Variants in EZH1 observed in about 807,000 individuals in gnomAD.
EZH1 encodes histone-lysine N-methyltransferase EZH1.
A neutral mutation model predicts 100.5 loss-of-function variants in EZH1; 33 were observed. That is an observed-to-expected ratio of 0.33 (90% CI 0.25 to 0.44). EZH1 has a LOEUF of 0.44. Ranked by LOEUF, EZH1 falls within the 20% of genes least tolerant of loss-of-function variation. The pLI, the probability that EZH1 is intolerant of heterozygous loss-of-function variation, is 1.00. For missense variants in EZH1, 475 were observed against 928.4 expected (o/e 0.51, Z 6.35); for synonymous variants, 272 against 313.8 (o/e 0.87, Z 1.41).
Position 42,706,973 on chromosome 17 carries a change from A to G in EZH1, c.1661-788T>C, listed in dbSNP as rs2053366713. The stretch of plus-strand genomic sequence containing the variant: ...CTATGGGTTAGGAGGTATTTCCTCC[A>G]GCAAAACCGCCTGGGCACCAAGTTC... On this transcript the variant is annotated intron_variant, in intron 15 of 20. Transcript: ENST00000428826. This position sits in a 1 kb window ranked among gnomAD's most constrained non-coding sequence, Gnocchi z 4.4. Among the ~76,000 whole-genome samples, 1 of 152,154 alleles carries G rather than the reference A, an allele frequency of 6.6e-6. No homozygotes were observed. The highest frequency in any genetic ancestry group is 1.5e-5 in the Non-Finnish European group (1 of 68,034).
chr17:42,713,433 C>T, intron 10 of EZH1, 44 bp from the exon 11 acceptor site: 1 of 1,537,296 alleles, frequency 6.5e-7, no homozygotes, highest in Non-Finnish European at 8.8e-7. Context: ...ACAGGCCCAT[C>T]ACCATATTGA....
chr17:42,714,959 T>A (rs2143768774), intron 10 of EZH1, among the ~76,000 whole-genome samples: 1 of 139,764 alleles, frequency 7.2e-6, no homozygotes, highest in Admixed American at 7.6e-5. Context: ...ATATAATATA[T>A]AAATATATGA....
At chr17:42,717,716 G>A (rs1381195726) in intron 10 of EZH1, among the ~76,000 whole-genome samples, 1 of 152,014 alleles carries the variant, frequency 6.6e-6, no homozygotes, top group Non-Finnish European at 1.5e-5. Context: ...ACAGTTTTAG[G>A]CTCTGAAATC....
chr17:42,703,765 T>G lies in EZH1; in HGVS notation c.2073A>C (p.Ser691=), dbSNP rs201125487. The G allele has an allele frequency of 6.2e-7, 1 of 1,614,128 alleles. No homozygotes were observed. Among genetic ancestry groups the G allele is most frequent in the East Asian group, 2.2e-5 (1 of 44,888 alleles). The change falls in exon 19 of 21, where the codon TCA becomes TCC. Residue 691 remains serine (S), a synonymous_variant. Transcript: ENST00000428826. Reference sequence around the variant, plus strand: ...CTTTGGCATAACAGTTGGGATTCACTGAATGATTTGCAAATCGAATTTTGT... The same window carrying G: ...CTTTGGCATAACAGTTGGGATTCACGGAATGATTTGCAAATCGAATTTTGT... ...KGNKIRFANH[S]VNPNCYAKVV...
intron 16 of EZH1, 158 bp downstream of exon 16, chr17:42,705,842 TGGGACTG>T: frequency 1.3e-6 from 1 of 770,328 alleles, no homozygotes; most frequent in Non-Finnish European, 1.9e-6. Context: ...TAAGCCCTAC[TGGGACTG>T]AAGCCTTTAT....
rs139326526 is a variant in EZH1, at chr17:42,712,420, C to T, written c.1270G>A (p.Val424Ile). The T allele has an allele frequency of 1.5e-5, 25 of 1,614,046 alleles. No individual in the cohort carries two copies. Among genetic ancestry groups the T allele is most frequent in the Middle Eastern group, 1.6e-4 (1 of 6,080 alleles). Residue 424 changes from valine (V) to isoleucine (I), a missense_variant, in exon 12 of 21, where the codon GTA (valine) becomes ATA (isoleucine). Val to Ile is a conservative substitution (Grantham distance 29, BLOSUM62 3). Coordinates refer to ENST00000428826, the MANE Select transcript of EZH1 (RefSeq NM_001991.5). ...ACAGGCTCCGAGGGTGCTTCCACTA[C>T]GCAGAGTTGAGGTGGGGCTGGACTA... ...KASPAPPQLC[V>I]VEAPSEPVEW...
At chr17:42,739,397 T>A (rs2054132492) in intron 1 of EZH1, among the ~76,000 whole-genome samples, 1 of 152,178 alleles carries the variant, frequency 6.6e-6, no homozygotes, top group Non-Finnish European at 1.5e-5. Flanking sequence ...TAATTTAAAA[T>A]AAAATTATAA....
chr17:42,708,868 G>A lies in EZH1; in HGVS notation c.1534+8C>T. 6.2e-7 allele frequency: 1 copy of A among 1,614,120 alleles called. No individual in the cohort carries two copies. The highest frequency in any genetic ancestry group is 1.7e-5 in the Admixed American group (1 of 60,018). ...TGAACTGCTGAAGAATGCCCTGGTA[G>A]AACTTACCTTTCTTCAGCTGAATCT... On this transcript the variant is annotated splice_region_variant and intron_variant, in intron 14 of 20. Transcript: ENST00000428826.
intron 4 of EZH1, among the ~76,000 whole-genome samples, chr17:42,726,551 G>A (rs187418718): frequency 1.3e-4 from 20 of 150,510 alleles, no homozygotes; most frequent in Non-Finnish European, 2.8e-4. Context: ...TGCTCTTGTT[G>A]CCCAGGCTGA....
intron 12 of EZH1, among the ~76,000 whole-genome samples, chr17:42,712,049 T>A (rs896280336): frequency 6.6e-6 from 1 of 151,618 alleles, no homozygotes; most frequent in Non-Finnish European, 1.5e-5. Context: ...AAGCATTAAA[T>A]AGAGTCCAGA....
At chr17:42,717,023 C>T (rs1428262812) in intron 10 of EZH1, among the ~76,000 whole-genome samples, 1 of 152,128 alleles carries the variant, frequency 6.6e-6, no homozygotes, top group Admixed American at 6.6e-5. Context: ...ATTTTAAAAG[C>T]ATGATCTGTG....
rs1388142903 is a variant in EZH1, at chr17:42,700,943, G to A, written c.*1589C>T. On this transcript the variant is annotated 3_prime_UTR_variant, in exon 21 of 21. Coordinates refer to ENST00000428826, the MANE Select transcript of EZH1 (RefSeq NM_001991.5). ...CTTCTTCCTTCATGGGACAACAAGT[G>A]GAGTGGGAAGAAGCGGGGCTCTGAG... The A allele has an allele frequency of 6.6e-6, 1 of 152,380 alleles. No homozygotes were observed. Among genetic ancestry groups the A allele is most frequent in the East Asian group, 1.9e-4 (1 of 5,324 alleles). 9.4% of individuals were successfully genotyped at this position (152,380 alleles called of 1,614,324 possible).
At chr17:42,729,181 A>G (rs1485667288) in intron 2 of EZH1, 1 of 368,860 alleles carries the variant, frequency 2.7e-6, no homozygotes, top group Non-Finnish European at 4.9e-6. Flanking sequence ...CCGAGGTGAG[A>G]GCACTACTTG....
At chr17:42,743,299 T>G (rs1276503811) in intron 1 of EZH1, among the ~76,000 whole-genome samples, 1 of 151,272 alleles carries the variant, frequency 6.6e-6, no homozygotes. Flanking sequence ...CCCTCCCGAG[T>G]AGCTGGGACT....
chr17:42,710,639 T>G (rs1567987368), intron 12 of EZH1, among the ~76,000 whole-genome samples: 1 of 150,590 alleles, frequency 6.6e-6, no homozygotes, highest in Non-Finnish European at 1.5e-5. Flanking sequence ...GTTTTTTTTT[T>G]TTTTTTTTAA....
Position 42,701,787 on chromosome 17 carries a change from A to C in EZH1, c.*745T>G, listed in dbSNP as rs2053244847. 1 of 152,356 alleles carries C rather than the reference A, an allele frequency of 6.6e-6. No homozygotes were observed. The highest frequency in any genetic ancestry group is 1.5e-5 in the Non-Finnish European group (1 of 68,040). The allele number at this position is 152,356 out of a possible 1,614,324, so 9.4% of individuals were successfully genotyped here. A position where few individuals can be genotyped will look rare whatever the true frequency, so the allele number is the denominator to read the frequency against. ...CCCAGGAATCTGAAAACACTTCTCCATCTATCTCCAGAGTACACAGAGAAG... is the reference window on the plus strand; with the variant it reads ...CCCAGGAATCTGAAAACACTTCTCCCTCTATCTCCAGAGTACACAGAGAAG... On this transcript the variant is annotated 3_prime_UTR_variant, in exon 21 of 21. Transcript: ENST00000428826.
chr17:42,731,451 G>C (rs766845895), intron 1 of EZH1, among the ~76,000 whole-genome samples: 12 of 152,128 alleles, frequency 7.9e-5, no homozygotes, highest in Non-Finnish European at 1.2e-4. Context: ...TCTAGGCTCA[G>C]CTAACAGGCC....
At chr17:42,728,794 T>C (rs557167248) in intron 3 of EZH1, 31 bp downstream of exon 3, 60 of 1,606,884 alleles carry the variant, frequency 3.7e-5, no homozygotes, top group Admixed American at 1.7e-4. Flanking sequence ...TATTGAAATA[T>C]ATAAACTTTC....
At chr17:42,726,183 C>CTTT (rs1374975364) in intron 4 of EZH1, among the ~76,000 whole-genome samples, 1 of 96,802 alleles carries the variant, frequency 1.0e-5, no homozygotes, top group African/African-American at 4.0e-5. Context: ...CCAGCTTCTG[C>CTTT]TTTTTTTTTT....
Sources: gnomAD v4.1 joint callset for allele counts (sites outside exome capture counted in the v4.1 genomes callset) on GRCh38, gnomAD v4.1.1 for gene constraint, Gnocchi (gnomAD v3.1) non-coding constraint, MANE v1.5 for transcripts, NCBI Gene and HGNC (gene_info 2026-07-23, HGNC 2026-07-21) for gene names.